Variants in PRKG2 observed in about 807,000 individuals in gnomAD.
The protein encoded by PRKG2 is cGMP-dependent protein kinase 2.
In PRKG2, 33 loss-of-function variants were observed where a neutral mutation model predicts 97.2. The observed-to-expected ratio is 0.34, with a 90% CI of 0.26 to 0.45. The LOEUF is 0.45. Ranked by LOEUF, PRKG2 falls within the 20% of genes least tolerant of loss-of-function variation. The pLI, the probability that PRKG2 is intolerant of heterozygous loss-of-function variation, is 1.00. For synonymous variants in PRKG2, 330 were observed against 321.8 expected (o/e 1.03, Z -0.27); for missense variants, 638 against 900.0 (o/e 0.71, Z 3.73).
At chr4:81,176,553 G>T (rs754830828) in intron 2 of PRKG2, among the ~76,000 whole-genome samples, 1 of 152,062 alleles carries the variant, frequency 6.6e-6, no homozygotes, top group Admixed American at 6.5e-5. Flanking sequence ...TCCAGCTTTC[G>T]CAGACTTTAT....
chr4:81,183,850 C>T (rs1239458122), intron 2 of PRKG2, among the ~76,000 whole-genome samples: 1 of 152,126 alleles, frequency 6.6e-6, no homozygotes, highest in Non-Finnish European at 1.5e-5. Context: ...AGGCGGTTTT[C>T]CCCTCATAGT....
intron 2 of PRKG2, among the ~76,000 whole-genome samples, chr4:81,188,355 T>G (rs1489940250): frequency 0.011 from 1,694 of 148,244 alleles, 44 homozygotes; most frequent in African/African-American, 0.042. Context: ...ATGGCAATCA[T>G]TAAAAAGTCA....
At chr4:81,127,384 T>A (rs1745704632) in intron 14 of PRKG2, among the ~76,000 whole-genome samples, 1 of 152,180 alleles carries the variant, frequency 6.6e-6, no homozygotes, top group Non-Finnish European at 1.5e-5. Context: ...TTTAAAGTAA[T>A]TTTTTCTAAT....
At chr4:81,148,786 G>T in intron 9 of PRKG2, 98 bp downstream of exon 9, 1 of 1,026,258 alleles carries the variant, frequency 9.7e-7, no homozygotes, top group Non-Finnish European at 1.5e-6. Flanking sequence ...GTATTTCCAA[G>T]TGGTGATGAA....
chr4:81,123,014 A>G (rs1031332882), intron 14 of PRKG2, among the ~76,000 whole-genome samples: 10 of 152,196 alleles, frequency 6.6e-5, no homozygotes, highest in African/African-American at 2.4e-4. Context: ...CCAGTATATG[A>G]TCAAATTTTG....
intron 18 of PRKG2, 57 bp downstream of exon 18, chr4:81,092,329 T>C (rs1246212338): frequency 2.5e-6 from 3 of 1,210,990 alleles, no homozygotes; most frequent in Non-Finnish European, 3.5e-6. Context: ...CTAAAATCTG[T>C]GTACAAAAAC....
chr4:81,116,401 T>C (rs1257821357), intron 14 of PRKG2, among the ~76,000 whole-genome samples: 1 of 152,244 alleles, frequency 6.6e-6, no homozygotes, highest in Non-Finnish European at 1.5e-5. Flanking sequence ...TTCCATGTTA[T>C]ATATGTACAA....
intron 6 of PRKG2, among the ~76,000 whole-genome samples, chr4:81,162,951 G>A (rs1035050490): frequency 2.0e-5 from 3 of 152,150 alleles, no homozygotes; most frequent in Admixed American, 6.6e-5. Flanking sequence ...CTGTTCTTCA[G>A]TTATTATGAA....
At chr4:81,217,081 T>G (rs1041556945), upstream of PRKG2, among the ~76,000 whole-genome samples, 1 of 144,670 alleles carries the variant, frequency 6.9e-6, no homozygotes, top group African/African-American at 2.6e-5. Flanking sequence ...TAAAACCACA[T>G]TTATAAATCC....
chr4:81,143,406 C>T (rs1041281301), intron 10 of PRKG2, among the ~76,000 whole-genome samples: 1 of 152,150 alleles, frequency 6.6e-6, no homozygotes, highest in Non-Finnish European at 1.5e-5. Flanking sequence ...ATCTTTCCCA[C>T]GTTTTGCTAG....
chr4:81,153,752 G>A (rs764200038), intron 6 of PRKG2, 31 bp from the exon 7 acceptor site: 6 of 1,519,678 alleles, frequency 3.9e-6, no homozygotes, highest in Non-Finnish European at 3.6e-6. Flanking sequence ...GAAAATGTAA[G>A]AGCGGGTGGA....
In PRKG2 at chr4:81,114,066, T is replaced by C. The variant is rs550499417; in HGVS notation, c.1777-3455A>G. ...GGGCGAGATGAAGGGAAGACTTGCA[T>C]ACCCCAGGACAAACAGGAAATATTT... is the stretch of plus-strand genomic sequence containing the variant. On this transcript the variant is annotated intron_variant, in intron 14 of 18. Transcript: ENST00000264399. 1.9e-4 allele frequency among the ~76,000 whole-genome samples: 29 copies of C among 152,248 alleles called. No homozygotes were observed. The South Asian group carries it at 5.8e-3, about 30-fold the overall frequency.
At chr4:81,193,002 T>C (rs553775074) in intron 2 of PRKG2, 8 of 152,600 alleles carry the variant, frequency 5.2e-5, no homozygotes, top group African/African-American at 1.7e-4. Flanking sequence ...TGGGCTCATA[T>C]ATTAGAGGTC....
intron 17 of PRKG2, among the ~76,000 whole-genome samples, chr4:81,101,041 G>A (rs1248674240): frequency 6.6e-6 from 1 of 151,926 alleles, no homozygotes; most frequent in South Asian, 2.1e-4. Flanking sequence ...AGTTAGAATG[G>A]CGATCATTAA....
At chr4:81,112,443 T>TTC (rs56816980) in intron 14 of PRKG2, among the ~76,000 whole-genome samples, 21,019 of 152,112 alleles carry the variant, frequency 0.14, 2,818 homozygotes, top group East Asian at 0.39. Context: ...TATGAAAATA[T>TTC]TGTTTTGTTG....
At position 81,096,984 on chromosome 4, in the gene PRKG2, T is replaced by C. The variant is rs1042737770; in HGVS notation, c.2127-4532A>G. Among the ~76,000 whole-genome samples, 8 of 152,310 alleles carry C rather than the reference T, an allele frequency of 5.3e-5. 1 individual carries two copies. The highest frequency in any genetic ancestry group is 1.9e-4 in the African/African-American group (8 of 41,570). On this transcript the variant is annotated intron_variant, in intron 17 of 18. Coordinates refer to ENST00000264399, the MANE Select transcript of PRKG2 (RefSeq NM_006259.3). ...ATGGTGAATTCTTTACAGAAGGTTT[T>C]CAACTCACTTTGCCCAGAGCCATCA...
At chr4:81,157,161 A>G (rs1749175898) in intron 6 of PRKG2, among the ~76,000 whole-genome samples, 1 of 152,216 alleles carries the variant, frequency 6.6e-6, no homozygotes, top group African/African-American at 2.4e-5. Flanking sequence ...TGAAAGGATC[A>G]ACAAAATTGA....
intron 2 of PRKG2, among the ~76,000 whole-genome samples, chr4:81,194,336 T>C (rs988823060): frequency 6.6e-6 from 1 of 152,004 alleles, no homozygotes; most frequent in African/African-American, 2.4e-5. Flanking sequence ...CAAGGCACAT[T>C]TAATAAACAG....
intron 2 of PRKG2, chr4:81,193,531 T>A (rs2110115575): frequency 6.6e-6 from 1 of 151,900 alleles, no homozygotes; most frequent in South Asian, 2.1e-4. Flanking sequence ...AAACGCTGAG[T>A]TAGAACAAAT....
Sources: allele counts gnomAD v4.1 joint callset (sites outside exome capture counted in the v4.1 genomes callset), GRCh38; gene constraint gnomAD v4.1.1; transcripts MANE v1.5; gene names NCBI Gene and HGNC (gene_info 2026-07-23, HGNC 2026-07-21).